ZNF141: variants seen among roughly 807,000 people sequenced by gnomAD.
ZNF141 encodes the protein zinc finger protein 141 (clone pHZ-44).
ZNF141 carries 7 observed loss-of-function variants against 11.3 expected under a neutral mutation model. The ratio of observed to expected loss-of-function variants is 0.62; its 90% CI spans 0.35 to 1.16. ZNF141 has a LOEUF of 1.16. Ranked by LOEUF, ZNF141 falls within the 50% of genes most tolerant of loss-of-function variation. ZNF141 has a pLI of 0.02. For synonymous variants in ZNF141, 183 were observed against 190.7 expected (o/e 0.96, Z 0.33); for missense variants, 535 against 554.0 (o/e 0.97, Z 0.34).
intron 3 of ZNF141, among the ~76,000 whole-genome samples, chr4:366,063 G>T (rs1267126778): frequency 6.6e-6 from 1 of 152,162 alleles, no homozygotes; most frequent in Non-Finnish European, 1.5e-5. Flanking sequence ...GTCAGGTAGT[G>T]TAATGCCTCC....
At position 375,016 on chromosome 4, in the gene ZNF141, C is replaced by T. The variant is rs1553854388; in HGVS notation, c.*1154C>T. 1 of 152,056 alleles carries T rather than the reference C, an allele frequency of 6.6e-6. No individual in the cohort carries two copies. Among genetic ancestry groups the T allele is most frequent in the African/African-American group, 2.4e-5 (1 of 41,408 alleles). The allele number at this position is 152,056 out of a possible 1,614,324, so 9.4% of individuals were successfully genotyped here. On this transcript the variant is annotated 3_prime_UTR_variant, in exon 4 of 4. Coordinates refer to ENST00000240499, the MANE Select transcript of ZNF141 (RefSeq NM_003441.4). ...TATATAATTCCTACTGAAGAAATCC[C>T]CTGGAAATGCAAAAAATGTGGCAGG...
rs934516861 is a variant in ZNF141, at chr4:376,459, T to C, written c.*2597T>C. Among the ~76,000 whole-genome samples the C allele has an allele frequency of 7.2e-5, 11 of 152,102 alleles. No individual in the cohort carries two copies. The highest frequency in any genetic ancestry group is 2.4e-4 in the African/African-American group (10 of 41,444). On this transcript the variant is annotated 3_prime_UTR_variant, in exon 4 of 4. Transcript: ENST00000240499. ...CATTCATCCTTTGTATTACACACAA[T>C]CCAATTATACACTTTAATTATTTCT... is the stretch of plus-strand genomic sequence containing the variant.
chr4:373,353 A>C lies in ZNF141; in HGVS notation c.916A>C (p.Thr306Pro). 1 of 1,613,690 alleles carries C rather than the reference A, an allele frequency of 6.2e-7. No individual in the cohort carries two copies. The highest frequency in any genetic ancestry group is 2.2e-5 in the East Asian group (1 of 44,846). ...CTTTGCCAAACATAAGCGAATTCATACTGGAGAGAAACCCTACAAATGTGA... is the reference window on the plus strand; with the variant it reads ...CTTTGCCAAACATAAGCGAATTCATCCTGGAGAGAAACCCTACAAATGTGA... ...SNFAKHKRIH[T>P]GEKPYKCEEC... is the part of the protein sequence containing the mutation. The change falls in exon 4 of 4, where the codon ACT (threonine) becomes CCT (proline). Residue 306 changes from threonine to proline, a missense_variant. Transcript: ENST00000240499.
chr4:340,980 G>C (rs954621833), intron 1 of ZNF141, among the ~76,000 whole-genome samples: 1 of 152,062 alleles, frequency 6.6e-6, no homozygotes, highest in Admixed American at 6.6e-5. Context: ...TTATAGTCCA[G>C]GGTTGCAATC....
At chr4:349,239 G>A (rs1721478646) in intron 3 of ZNF141, among the ~76,000 whole-genome samples, 1 of 151,388 alleles carries the variant, frequency 6.6e-6, no homozygotes, top group South Asian at 2.1e-4. Flanking sequence ...TTTGAGATAA[G>A]CCTGGGCAAT....
At chr4:365,360 C>G (rs1190299291) in intron 3 of ZNF141, among the ~76,000 whole-genome samples, 2 of 152,158 alleles carry the variant, frequency 1.3e-5, no homozygotes, top group African/African-American at 4.8e-5. Flanking sequence ...CCAACCAGTC[C>G]CAATGAGATG....
intron 3 of ZNF141, among the ~76,000 whole-genome samples, chr4:344,920 T>A (rs1175673755): frequency 2.0e-5 from 3 of 152,256 alleles, no homozygotes; most frequent in African/African-American, 7.2e-5. Flanking sequence ...TCCATGCTGT[T>A]AAATCCAAGA....
chr4:337,993 G>A lies in ZNF141; in HGVS notation c.3+7G>A, dbSNP rs782198259. On this transcript the variant is annotated splice_region_variant and intron_variant, in intron 1 of 3. Transcript: ENST00000240499. ...CTTCAGAAGTGGGGAAATGGTGAGT[G>A]TGCGGGGCAGGGCGTCCCAAGGCTG... 51 of 1,613,294 alleles carry A rather than the reference G, an allele frequency of 3.2e-5. No homozygotes were observed. Among genetic ancestry groups the A allele is most frequent in the Non-Finnish European group, 4.1e-5 (48 of 1,179,554 alleles).
intron 3 of ZNF141, among the ~76,000 whole-genome samples, chr4:358,774 C>T (rs1436965208): frequency 6.6e-6 from 1 of 151,972 alleles, no homozygotes; most frequent in Non-Finnish European, 1.5e-5. Flanking sequence ...GACGGTTTCA[C>T]CATGTTGGCC....
In ZNF141 at chr4:344,341, C is replaced by G. The variant is rs201791423; in HGVS notation, c.137C>G (p.Ala46Gly). The stretch of plus-strand genomic sequence containing the variant: ...TTTTTTTAAAATAAAACAGGTGTTG[C>G]TATCTCTAACCCAGACCTGGTCACC... ...NYRNLVSLGV[A>G]ISNPDLVTCL... The change falls in exon 3 of 4, where the codon GCT (alanine) becomes GGT (glycine). Residue 46 changes from alanine (A) to glycine (G), a missense_variant. Physicochemically the swap from Ala to Gly is moderately conservative, Grantham distance 60. Coordinates refer to ENST00000240499, the MANE Select transcript of ZNF141 (RefSeq NM_003441.4). 6.2e-7 allele frequency: 1 copy of G among 1,606,876 alleles called. No homozygotes were observed. The highest frequency in any genetic ancestry group is 8.5e-7 in the Non-Finnish European group (1 of 1,175,068).
chr4:356,800 T>C (rs1721861236), intron 3 of ZNF141, among the ~76,000 whole-genome samples: 1 of 152,212 alleles, frequency 6.6e-6, no homozygotes, highest in Non-Finnish European at 1.5e-5. Context: ...GGTTTCTGTT[T>C]TTTAATTCCT....
At chr4:340,280 G>A (rs1307918576) in intron 1 of ZNF141, among the ~76,000 whole-genome samples, 5 of 152,206 alleles carry the variant, frequency 3.3e-5, no homozygotes, top group Non-Finnish European at 5.9e-5. Flanking sequence ...TGCACGAAGT[G>A]CAGCAAAGTG....
intron 3 of ZNF141, among the ~76,000 whole-genome samples, chr4:363,907 T>G (rs1277660973): frequency 6.6e-6 from 1 of 152,236 alleles, no homozygotes; most frequent in African/African-American, 2.4e-5. Flanking sequence ...TGAAGGGCTG[T>G]TGAATTTTGC....
rs1712396512 is a variant in ZNF141, at chr4:376,847, T to C, written c.*2985T>C. Reference sequence around the variant, plus strand: ...TATTTTCTTCTTTTTATTTAATGACTCTAGAATCTAATGGATTGTCGTTGA... The same window carrying C: ...TATTTTCTTCTTTTTATTTAATGACCCTAGAATCTAATGGATTGTCGTTGA... On this transcript the variant is annotated 3_prime_UTR_variant, in exon 4 of 4. Coordinates refer to ENST00000240499, the MANE Select transcript of ZNF141 (RefSeq NM_003441.4). 6.6e-6 allele frequency among the ~76,000 whole-genome samples: 1 copy of C among 152,138 alleles called. No homozygotes were observed.
In ZNF141 at chr4:355,258, T is replaced by TGGTTCACCACAACCTC. The variant is rs1242128773; in HGVS notation, c.226+10845_226+10860dup. Among the ~76,000 whole-genome samples, 585 of 152,194 alleles carry TGGTTCACCACAACCTC rather than the reference T, an allele frequency of 3.8e-3. 5 individuals are homozygous for TGGTTCACCACAACCTC. Among genetic ancestry groups the TGGTTCACCACAACCTC allele is most frequent in the African/African-American group, 0.013 (541 of 41,484 alleles). ...AGGCTGGAGTGCAGTGGTGCAATCT[T>TGGTTCACCACAACCTC]GGTTCACCACAACCTCGGTTCACCA... is the stretch of plus-strand genomic sequence containing the variant. On this transcript the variant is annotated intron_variant, in intron 3 of 3. Coordinates refer to ENST00000240499, the MANE Select transcript of ZNF141 (RefSeq NM_003441.4).
rs577891007 is a variant in ZNF141 at position 379,281 on chromosome 4, T to C, written c.*5419T>C. On this transcript the variant is annotated 3_prime_UTR_variant, in exon 4 of 4. Transcript: ENST00000240499. ...ACTAGAAATTCCAGGTACTTCAAGC[T>C]TAAAAGTAAGAGCTCTAGAGTGTAT... Among the ~76,000 whole-genome samples, 5 of 152,356 alleles carry C rather than the reference T, an allele frequency of 3.3e-5. No homozygotes were observed. In the South Asian group the frequency reaches 8.3e-4, roughly 25 times the overall value.
Position 338,897 on chromosome 4 carries a change from T to C in ZNF141, c.3+911T>C, listed in dbSNP as rs183146758. On this transcript the variant is annotated intron_variant, in intron 1 of 3. Transcript: ENST00000240499. Reference sequence around the variant, plus strand: ...ATGGCTGAGCCTGGGCTGGAGGGAGTCGCAGGTGTCCGCGGGAGACCAGCC... The same window carrying C: ...ATGGCTGAGCCTGGGCTGGAGGGAGCCGCAGGTGTCCGCGGGAGACCAGCC... Among the ~76,000 whole-genome samples, 52 of 151,646 alleles carry C rather than the reference T, an allele frequency of 3.4e-4. No individual in the cohort carries two copies. The East Asian group carries it at 9.9e-3, about 29-fold the overall frequency.
rs781788800 is a variant in ZNF141, at chr4:372,661, C to G, written c.227-3C>G. ...GATAATTTGTAATTTTTATTTCTTT[C>G]AGCTATGTGTTCTCATTTCACCCAA... On this transcript the variant is annotated splice_polypyrimidine_tract_variant and splice_region_variant and intron_variant, in intron 3 of 3. Transcript: ENST00000240499. The G allele has an allele frequency of 6.7e-7, 1 of 1,492,384 alleles. No individual in the cohort carries two copies. Among genetic ancestry groups the G allele is most frequent in the South Asian group, 1.5e-5 (1 of 68,656 alleles). The allele number at this position is 1,492,384 out of a possible 1,614,324, so 92.4% of individuals were successfully genotyped here.
intron 1 of ZNF141, chr4:338,228 G>A (rs1581572754): frequency 2.1e-6 from 1 of 480,688 alleles, no homozygotes; most frequent in Non-Finnish European, 3.7e-6. Context: ...AGGCTGTGGG[G>A]TGAGGAGTAG....
Sources: allele counts gnomAD v4.1 joint callset (sites outside exome capture counted in the v4.1 genomes callset), GRCh38; gene constraint gnomAD v4.1.1; transcripts MANE v1.5; gene names NCBI Gene and HGNC (gene_info 2026-07-23, HGNC 2026-07-21).